Variants in DNM3 observed in about 807,000 individuals in gnomAD.
DNM3 encodes the protein dynamin-3.
In DNM3, 47 loss-of-function variants were observed where a neutral mutation model predicts 101.6. The ratio of observed to expected loss-of-function variants is 0.46; its 90% confidence interval spans 0.37 to 0.59. The LOEUF (loss-of-function observed/expected upper bound fraction) is 0.59, where lower values mean the gene tolerates loss of function less well. DNM3 is among the 20% of genes least tolerant of loss of function. DNM3 has a pLI of 0.00. For synonymous variants in DNM3, 385 were observed against 387.9 expected (o/e 0.99, Z 0.09); for missense variants, 849 against 1,085.7 (o/e 0.78, Z 3.06).
At chr1:172,060,410 C>G (rs529027275) in intron 10 of DNM3, among the ~76,000 whole-genome samples, 1 of 75,656 alleles carries the variant, frequency 1.3e-5, no homozygotes, top group Non-Finnish European at 2.4e-5. Flanking sequence ...GCCAAAAGAA[C>G]AAAGCTGGAG....
Position 172,132,805 on chromosome 1 carries a change from C to G in DNM3, c.1659+1517C>G, listed in dbSNP as rs192490177. 1.3e-5 allele frequency: 9 copies of G among 699,964 alleles called. No homozygotes were observed. In the African/African-American group the frequency reaches 1.4e-4, roughly 11 times the overall value. 43.4% of individuals were successfully genotyped at this position (699,964 alleles called of 1,614,324 possible). A position where few individuals can be genotyped will look rare whatever the true frequency, so the allele number is the denominator to read the frequency against. On this transcript the variant is annotated intron_variant, in intron 14 of 20. Coordinates refer to ENST00000627582, the MANE Select transcript of DNM3 (RefSeq NM_015569.5). ...ATATTCAGCCTTAACTACTACTATCCCTATTGTTGATGAGAAAACTAAAAA... is the reference window on the plus strand; with the variant it reads ...ATATTCAGCCTTAACTACTACTATCGCTATTGTTGATGAGAAAACTAAAAA...
intron 10 of DNM3, among the ~76,000 whole-genome samples, chr1:172,056,819 CA>C (rs2050671796): frequency 6.6e-6 from 1 of 152,194 alleles, no homozygotes; most frequent in African/African-American, 2.4e-5. Context: ...AGTTCCTCAC[CA>C]GCAAAGGAAC....
At position 172,387,013 on chromosome 1, in the gene DNM3, G is replaced by GGGTGGACTTT. The variant is rs1029592686; in HGVS notation, c.2059-98_2059-89dup. The GGGTGGACTTT allele has an allele frequency of 7.6e-6, 6 of 787,714 alleles. 1 individual carries two copies. Among genetic ancestry groups the GGGTGGACTTT allele is most frequent in the Admixed American group, 7.2e-5 (3 of 41,720 alleles). The allele number at this position is 787,714 out of a possible 1,614,324, so 48.8% of individuals were successfully genotyped here. ...GACGCTTGGTGCTTCACTTTTCCCA[G>GGGTGGACTTT]GGTGGACTTTGGTGGACTTTGGTGG... On this transcript the variant is annotated intron_variant, in intron 18 of 20. Transcript: ENST00000627582.
At chr1:172,281,870 C>G (rs985565231) in intron 15 of DNM3, among the ~76,000 whole-genome samples, 3 of 152,070 alleles carry the variant, frequency 2.0e-5, no homozygotes, top group Non-Finnish European at 4.4e-5. Context: ...ACATTGAATA[C>G]TTGTATCAAA....
At chr1:171,914,486 T>G (rs1247056276) in intron 1 of DNM3, among the ~76,000 whole-genome samples, 1 of 152,206 alleles carries the variant, frequency 6.6e-6, no homozygotes, top group Admixed American at 6.5e-5. Context: ...GGAAAAAAAT[T>G]TTAAAAATAT....
intron 14 of DNM3, among the ~76,000 whole-genome samples, chr1:172,222,640 G>A (rs1187545888): frequency 6.6e-6 from 1 of 152,126 alleles, no homozygotes; most frequent in Non-Finnish European, 1.5e-5. Flanking sequence ...TTTGGGCTGA[G>A]AATTGGATAT....
Position 172,382,446 on chromosome 1 carries a change from T to C in DNM3, c.2058+3264T>C, listed in dbSNP as rs374759861. ...TGTTTGAACCTGTCAGCCAACCACATGTTGGATACCCATTATTTTCCACAG... is the reference window on the plus strand; with the variant it reads ...TGTTTGAACCTGTCAGCCAACCACACGTTGGATACCCATTATTTTCCACAG... On this transcript the variant is annotated intron_variant, in intron 18 of 20. Coordinates refer to ENST00000627582, the MANE Select transcript of DNM3 (RefSeq NM_015569.5). Among the ~76,000 whole-genome samples, 9 of 152,268 alleles carry C rather than the reference T, an allele frequency of 5.9e-5. No homozygotes were observed. In the East Asian group the frequency reaches 1.7e-3, roughly 29 times the overall value.
chr1:172,030,301 G>A (rs2048509149), intron 4 of DNM3, among the ~76,000 whole-genome samples: 1 of 152,130 alleles, frequency 6.6e-6, no homozygotes, highest in South Asian at 2.1e-4. Flanking sequence ...AAACAAGCAA[G>A]GGGGAAAGGA....
intron 10 of DNM3, among the ~76,000 whole-genome samples, chr1:172,057,344 T>C (rs1056976634): frequency 6.6e-6 from 1 of 152,138 alleles, no homozygotes; most frequent in Non-Finnish European, 1.5e-5. Flanking sequence ...ATACAGAGAA[T>C]GCCACAAAGA....
rs1213397551 is a variant in DNM3 at position 171,948,840 on chromosome 1, ATTC to A, written c.235+27026_235+27028del. ...AAACTACAACTAAATTATGAAAATGATTCTTCTTCCTAGTATTCAGGCACTCAA... is the reference window on the plus strand; with the variant it reads ...AAACTACAACTAAATTATGAAAATGATTCTTCCTAGTATTCAGGCACTCAA... On this transcript the variant is annotated intron_variant, in intron 2 of 20. Transcript: ENST00000627582. Among the ~76,000 whole-genome samples the A allele has an allele frequency of 3.3e-5, 5 of 152,224 alleles. No individual in the cohort carries two copies. In the South Asian group the frequency reaches 6.2e-4, roughly 19 times the overall value.
chr1:172,235,683 A>G (rs1168358684), intron 14 of DNM3, among the ~76,000 whole-genome samples: 1 of 152,216 alleles, frequency 6.6e-6, no homozygotes, highest in Non-Finnish European at 1.5e-5. Context: ...TGATGAGTTC[A>G]TGTCCTTTGT....
intron 13 of DNM3, among the ~76,000 whole-genome samples, chr1:172,103,112 C>T (rs775901463): frequency 6.6e-6 from 1 of 151,916 alleles, no homozygotes; most frequent in Non-Finnish European, 1.5e-5. Flanking sequence ...ACCCTTGACC[C>T]CCACCCAATC....
chr1:172,132,414 T>C (rs2056989163), intron 14 of DNM3, among the ~76,000 whole-genome samples: 1 of 152,180 alleles, frequency 6.6e-6, no homozygotes, highest in African/African-American at 2.4e-5. Flanking sequence ...TTGACCATAG[T>C]CAAAAGTAGA....
chr1:171,890,994 C>T (rs926962803), intron 1 of DNM3, among the ~76,000 whole-genome samples: 1 of 152,134 alleles, frequency 6.6e-6, no homozygotes, highest in Non-Finnish European at 1.5e-5. Flanking sequence ...AAAGTCACTC[C>T]ACATGGCTAT....
At chr1:172,322,074 A>T (rs532237472) in intron 16 of DNM3, among the ~76,000 whole-genome samples, 11 of 152,256 alleles carry the variant, frequency 7.2e-5, no homozygotes, top group African/African-American at 2.4e-4. Flanking sequence ...TGTTTTCTTT[A>T]TTAAATATGA....
chr1:172,386,892 C>G, intron 18 of DNM3: 1 of 454,826 alleles, frequency 2.2e-6, no homozygotes, highest in Non-Finnish European at 4.1e-6. Flanking sequence ...CCTTCTTCTA[C>G]TCATCTCTAT....
chr1:171,969,366 A>T (rs1366131627), intron 2 of DNM3, among the ~76,000 whole-genome samples: 1 of 152,210 alleles, frequency 6.6e-6, no homozygotes, highest in African/African-American at 2.4e-5. Flanking sequence ...ACAAAGAACA[A>T]TGATAAATCA....
In DNM3 at chr1:171,898,703, T is replaced by TAGAGAG. The variant is rs141037836; in HGVS notation, c.162-23044_162-23043insGAGAGA. Among the ~76,000 whole-genome samples the TAGAGAG allele has an allele frequency of 1.6e-3, 199 of 127,626 alleles. 1 individual carries two copies. Among genetic ancestry groups the TAGAGAG allele is most frequent in the Middle Eastern group, 4.3e-3 (1 of 232 alleles). 83.7% of individuals were successfully genotyped at this position (127,626 alleles called of 152,430 possible). ...GTGTGTGTGTATATACATATATATA[T>TAGAGAG]ATAGAGAGAGAGAGAGAAATCATAT... On this transcript the variant is annotated intron_variant, in intron 1 of 20. Coordinates refer to ENST00000627582, the MANE Select transcript of DNM3 (RefSeq NM_015569.5).
chr1:171,986,783 A>G (rs780154127), intron 2 of DNM3, among the ~76,000 whole-genome samples: 37 of 152,102 alleles, frequency 2.4e-4, no homozygotes, highest in Non-Finnish European at 4.4e-5. Flanking sequence ...TTAGTTGTAC[A>G]ATTCTTCATT....
Sources: allele counts gnomAD v4.1 joint callset (sites outside exome capture counted in the v4.1 genomes callset), GRCh38; gene constraint gnomAD v4.1.1; transcripts MANE v1.5; gene names NCBI Gene and HGNC (gene_info 2026-07-23, HGNC 2026-07-21).